Variants in ARHGEF18 observed in about 807,000 individuals in gnomAD.
ARHGEF18 encodes Rho/Rac guanine nucleotide exchange factor 18.
In ARHGEF18, 93 loss-of-function variants were observed where a neutral mutation model predicts 155.7. That is an observed-to-expected ratio of 0.60 (90% CI 0.50 to 0.71). The LOEUF is 0.71. Among genes scored for constraint, ARHGEF18 ranks in the 30% least tolerant of loss-of-function variants. ARHGEF18 has a pLI of 0.00. For missense variants in ARHGEF18, 1,593 were observed against 1,816.1 expected (o/e 0.88, Z 2.23); for synonymous variants, 742 against 753.1 (o/e 0.99, Z 0.24).
In ARHGEF18 at chr19:7,362,271, G is replaced by A. The variant is rs75409659; in HGVS notation, c.-110-510G>A. ...AGGAAGAGGAAGAAGAAAGGAAGAA[G>A]GAAGGAGAAGAAGAGGAGGAGGAAG... is the stretch of plus-strand genomic sequence containing the variant. On this transcript the variant is annotated intron_variant, in intron 1 of 28. Coordinates refer to ENST00000668164, the MANE Select transcript of ARHGEF18 (RefSeq NM_001367823.1). Among the ~76,000 whole-genome samples, 159 of 131,680 alleles carry A rather than the reference G, an allele frequency of 1.2e-3. 8 individuals carry two copies. The highest frequency in any genetic ancestry group is 5.5e-3 in the African/African-American group (143 of 25,808). The allele number at this position is 131,680 out of a possible 152,430, so 86.4% of individuals were successfully genotyped here. A position where few individuals can be genotyped will look rare whatever the true frequency, so the allele number is the denominator to read the frequency against.
At chr19:7,452,015 C>G (rs1975510687) in intron 16 of ARHGEF18, among the ~76,000 whole-genome samples, 2 of 152,168 alleles carry the variant, frequency 1.3e-5, no homozygotes, top group South Asian at 4.1e-4. Flanking sequence ...AGCCACCATG[C>G]CACGCCCAGC....
intron 2 of ARHGEF18, among the ~76,000 whole-genome samples, chr19:7,365,815 C>T (rs1024643743): frequency 6.6e-6 from 1 of 152,212 alleles, no homozygotes; most frequent in Non-Finnish European, 1.5e-5. Context: ...CTGTGCATTG[C>T]ACCCTCCTTC....
chr19:7,471,887 C>G lies in ARHGEF18; in HGVS notation c.*1589C>G, dbSNP rs954256614. 3 of 152,482 alleles carry G rather than the reference C, an allele frequency of 2.0e-5. No homozygotes were observed. The highest frequency in any genetic ancestry group is 4.4e-5 in the Non-Finnish European group (3 of 68,134). 9.4% of individuals were successfully genotyped at this position (152,482 alleles called of 1,614,324 possible). A position where few individuals can be genotyped will look rare whatever the true frequency, so the allele number is the denominator to read the frequency against. ...CCAGGCTCCTGGCCCCTCCGACGACCTCAACTCTGCCCAGCCCGGTCCCTG... is the reference window on the plus strand; with the variant it reads ...CCAGGCTCCTGGCCCCTCCGACGACGTCAACTCTGCCCAGCCCGGTCCCTG... On this transcript the variant is annotated 3_prime_UTR_variant, in exon 29 of 29. Coordinates refer to ENST00000668164, the MANE Select transcript of ARHGEF18 (RefSeq NM_001367823.1). The surrounding 1 kb of genome is among the most constrained non-coding windows in gnomAD (Gnocchi z 4.4).
intron 14 of ARHGEF18, among the ~76,000 whole-genome samples, chr19:7,446,821 G>C (rs1260028537): frequency 2.0e-5 from 3 of 151,152 alleles, no homozygotes; most frequent in African/African-American, 7.3e-5. Flanking sequence ...GCTTGATCCC[G>C]GGAGACAGAG....
At chr19:7,386,702 G>T (rs1971101549) in intron 10 of ARHGEF18, among the ~76,000 whole-genome samples, 2 of 152,018 alleles carry the variant, frequency 1.3e-5, no homozygotes, top group Admixed American at 1.3e-4. Flanking sequence ...ACCTGTTGCA[G>T]GTCACACAAA....
At chr19:7,431,798 G>A (rs1973988333) in intron 10 of ARHGEF18, among the ~76,000 whole-genome samples, 1 of 152,214 alleles carries the variant, frequency 6.6e-6, no homozygotes, top group Admixed American at 6.5e-5. Context: ...TGGGCAACAA[G>A]AGCGAAACTC....
chr19:7,399,893 C>G (rs1971943546), intron 10 of ARHGEF18, among the ~76,000 whole-genome samples: 1 of 151,896 alleles, frequency 6.6e-6, no homozygotes, highest in Non-Finnish European at 1.5e-5. Context: ...CCACTTCAGC[C>G]TCCCAAGGAG....
chr19:7,466,853 A>C lies in ARHGEF18; in HGVS notation c.2905-65A>C, dbSNP rs763028112. 114 of 1,379,912 alleles carry C rather than the reference A, an allele frequency of 8.3e-5. 3 individuals carry two copies. In the South Asian group the frequency reaches 1.2e-3, roughly 15 times the overall value. 85.5% of individuals were successfully genotyped at this position (1,379,912 alleles called of 1,614,324 possible). ...TTAAAAAAAAAGAAGAAGAAGAAGA[A>C]GGCTTGAGTCTAGTCGGATGGGTCT... On this transcript the variant is annotated intron_variant, in intron 23 of 28. Transcript: ENST00000668164.
intron 15 of ARHGEF18, among the ~76,000 whole-genome samples, chr19:7,448,432 C>T (rs943763249): frequency 1.2e-4 from 18 of 152,258 alleles, no homozygotes; most frequent in African/African-American, 4.1e-4. Flanking sequence ...GAGGCCAAGG[C>T]GGGTGGATCA....
At chr19:7,380,045 T>TA (rs1970649370) in intron 7 of ARHGEF18, among the ~76,000 whole-genome samples, 1 of 150,872 alleles carries the variant, frequency 6.6e-6, no homozygotes, top group African/African-American at 2.4e-5. Context: ...CACATACCTG[T>TA]AGTCCCCAGC....
intron 17 of ARHGEF18, among the ~76,000 whole-genome samples, chr19:7,455,180 T>C (rs111518370): frequency 0.029 from 4,357 of 152,152 alleles, 202 homozygotes; most frequent in African/African-American, 0.095. Context: ...CGCAGACAGG[T>C]TTAGCGCCTT....
At chr19:7,451,404 C>CTTT (rs35473770) in intron 16 of ARHGEF18, 138 bp downstream of exon 16, 36,383 of 372,190 alleles carry the variant, frequency 0.098, 2,147 homozygotes, top group Admixed American at 0.13. Flanking sequence ...GGGTTCCTTC[C>CTTT]TTTTTTTTTT....
At chr19:7,371,500 T>C (rs750188004) in intron 2 of ARHGEF18, among the ~76,000 whole-genome samples, 3 of 151,948 alleles carry the variant, frequency 2.0e-5, no homozygotes, top group South Asian at 4.2e-4. Flanking sequence ...CTGGCCAACA[T>C]TGTGAAACCC....
intron 10 of ARHGEF18, among the ~76,000 whole-genome samples, chr19:7,396,075 A>T (rs1050376309): frequency 3.9e-5 from 6 of 152,090 alleles, no homozygotes; most frequent in Admixed American, 2.0e-4. Flanking sequence ...AGCTCCACTT[A>T]CAAGTGGGAA....
chr19:7,458,754 C>T, intron 19 of ARHGEF18, 64 bp downstream of exon 19: 1 of 1,519,910 alleles, frequency 6.6e-7, no homozygotes, highest in Non-Finnish European at 8.9e-7. Context: ...CCACCCTTGG[C>T]TTCGACCGTT....
chr19:7,359,301 A>G (rs6603108), intron 1 of ARHGEF18, among the ~76,000 whole-genome samples: 140,506 of 152,200 alleles, frequency 0.92, 64,990 homozygotes, highest in East Asian at 0.97. Context: ...GTAGCTGAGG[A>G]TCAGTGACAA....
At chr19:7,406,031 G>A (rs971190776) in intron 10 of ARHGEF18, among the ~76,000 whole-genome samples, 4 of 152,154 alleles carry the variant, frequency 2.6e-5, no homozygotes, top group Non-Finnish European at 5.9e-5. Context: ...TTTAGAACCA[G>A]TTAATTGCAG....
intron 2 of ARHGEF18, among the ~76,000 whole-genome samples, chr19:7,369,323 T>C (rs551283199): frequency 1.3e-5 from 2 of 151,744 alleles, no homozygotes; most frequent in African/African-American, 4.8e-5. Context: ...TAGCTGGGCG[T>C]GGTGGCACAT....
chr19:7,358,228 TCCATCCATCCATCCAC>T (rs1568261528), intron 1 of ARHGEF18, among the ~76,000 whole-genome samples: 1 of 149,364 alleles, frequency 6.7e-6, no homozygotes, highest in African/African-American at 2.5e-5. Flanking sequence ...CATCCATCCA[TCCATCCATCCATCCAC>T]CCATCCACCC....
Sources: allele counts gnomAD v4.1 joint callset (sites outside exome capture counted in the v4.1 genomes callset), GRCh38; gene constraint gnomAD v4.1.1; non-coding constraint Gnocchi (gnomAD v3.1); transcripts MANE v1.5; gene names NCBI Gene and HGNC (gene_info 2026-07-23, HGNC 2026-07-21).